Variants in ZNF521 observed in about 807,000 individuals in gnomAD.
The protein encoded by ZNF521 is LYST-interacting protein 3.
In ZNF521, 14 loss-of-function variants were observed where a neutral mutation model predicts 105.5. The ratio of observed to expected loss-of-function variants is 0.13; its 90% CI spans 0.09 to 0.21. ZNF521 has a LOEUF of 0.21. ZNF521 is among the 10% of genes least tolerant of loss of function. The pLI is 1.00. For synonymous variants in ZNF521, 635 were observed against 606.0 expected, an observed-to-expected ratio of 1.05 and a Z score of -0.70; for missense variants, 1,233 against 1,629.7, an observed-to-expected ratio of 0.76 and a Z score of 4.19.
chr18:25,291,724 C>A (rs148748581), intron 3 of ZNF521, among the ~76,000 whole-genome samples: 1 of 152,088 alleles, frequency 6.6e-6, no homozygotes, highest in African/African-American at 2.4e-5. Flanking sequence ...GCCAAGCCCT[C>A]GGCATACTAT....
At chr18:25,271,859 A>T (rs542064430) in intron 3 of ZNF521, among the ~76,000 whole-genome samples, 2 of 152,216 alleles carry the variant, frequency 1.3e-5, no homozygotes, top group African/African-American at 4.8e-5. Context: ...ATGGGCAAAG[A>T]CTTCATGACT....
chr18:25,346,328 T>C (rs1239939705), intron 2 of ZNF521, among the ~76,000 whole-genome samples: 2 of 152,122 alleles, frequency 1.3e-5, no homozygotes, highest in African/African-American at 4.8e-5. Flanking sequence ...AGTATATATA[T>C]TTTGACTTTG....
intron 5 of ZNF521, among the ~76,000 whole-genome samples, chr18:25,160,230 G>C (rs1419940091): frequency 6.6e-6 from 1 of 152,096 alleles, no homozygotes; most frequent in African/African-American, 2.4e-5. Flanking sequence ...AATGAAATCG[G>C]GTAAACTTTT....
At chr18:25,230,789 C>T (rs1054250017) in intron 3 of ZNF521, among the ~76,000 whole-genome samples, 1 of 152,036 alleles carries the variant, frequency 6.6e-6, no homozygotes, top group African/African-American at 2.4e-5. Context: ...GCTGACTCTC[C>T]GAGAGCTGTA....
intron 5 of ZNF521, among the ~76,000 whole-genome samples, chr18:25,095,290 C>T (rs1002515217): frequency 9.9e-5 from 15 of 152,278 alleles, no homozygotes; most frequent in Non-Finnish European, 1.8e-4. Context: ...TCCTCCTCCT[C>T]TTCCTAAAGG....
At chr18:25,186,922 GAAAA>G (rs964182540) in intron 5 of ZNF521, among the ~76,000 whole-genome samples, 3 of 136,002 alleles carry the variant, frequency 2.2e-5, no homozygotes, top group Admixed American at 2.2e-4. Flanking sequence ...AAAAAAAAAA[GAAAA>G]AGAAAGAAAA....
At chr18:25,115,386 G>GAAT (rs2034282081) in intron 5 of ZNF521, among the ~76,000 whole-genome samples, 1 of 152,042 alleles carries the variant, frequency 6.6e-6, no homozygotes, top group Non-Finnish European at 1.5e-5. Flanking sequence ...AGTCCCCATT[G>GAAT]GGGGCTATTA....
At chr18:25,307,276 T>C (rs1568069083) in intron 3 of ZNF521, among the ~76,000 whole-genome samples, 1 of 152,218 alleles carries the variant, frequency 6.6e-6, no homozygotes, top group Non-Finnish European at 1.5e-5. Context: ...GAATATGTGT[T>C]CACTCCCCTG....
chr18:25,325,011 C>G (rs936876307), intron 2 of ZNF521, among the ~76,000 whole-genome samples: 13 of 152,204 alleles, frequency 8.5e-5, no homozygotes, highest in African/African-American at 2.9e-4. Flanking sequence ...TTATTCACTT[C>G]TGCTGCAACT....
intron 3 of ZNF521, among the ~76,000 whole-genome samples, chr18:25,229,229 A>G (rs1187704533): frequency 6.6e-6 from 1 of 152,216 alleles, no homozygotes; most frequent in Non-Finnish European, 1.5e-5. Context: ...TATCCACAGG[A>G]AACAGATGAG....
chr18:25,261,496 A>G (rs1230883804), intron 3 of ZNF521, among the ~76,000 whole-genome samples: 1 of 152,132 alleles, frequency 6.6e-6, no homozygotes, highest in Non-Finnish European at 1.5e-5. Context: ...CAATTTCTCT[A>G]TCACAACATA....
intron 3 of ZNF521, among the ~76,000 whole-genome samples, chr18:25,232,545 G>A (rs1320496760): frequency 6.6e-6 from 1 of 152,128 alleles, no homozygotes; most frequent in Non-Finnish European, 1.5e-5. Flanking sequence ...AGTTGTATAC[G>A]CAGCTAGCAA....
intron 3 of ZNF521, among the ~76,000 whole-genome samples, chr18:25,253,017 A>G (rs746237710): frequency 2.6e-5 from 4 of 152,142 alleles, no homozygotes; most frequent in Non-Finnish European, 5.9e-5. Context: ...CTACCATTCA[A>G]CTGAGAATAC....
chr18:25,086,306 A>G (rs2033621473), intron 7 of ZNF521, among the ~76,000 whole-genome samples: 1 of 152,180 alleles, frequency 6.6e-6, no homozygotes, highest in African/African-American at 2.4e-5. Flanking sequence ...TACAGCAAAT[A>G]AAATAAATCA....
At chr18:25,350,550 T>A (rs1256604391) in intron 2 of ZNF521, among the ~76,000 whole-genome samples, 1 of 152,142 alleles carries the variant, frequency 6.6e-6, no homozygotes, top group Non-Finnish European at 1.5e-5. Flanking sequence ...CAACAGAAAC[T>A]TTTTCCTCCA....
intron 3 of ZNF521, among the ~76,000 whole-genome samples, chr18:25,316,318 G>A (rs917247533): frequency 9.6e-5 from 9 of 93,586 alleles, no homozygotes; most frequent in Admixed American, 2.2e-4. Flanking sequence ...AAGGTAAAAC[G>A]AATTTAAAAA....
intron 5 of ZNF521, among the ~76,000 whole-genome samples, 189 bp downstream of exon 5, chr18:25,194,971 T>C (rs1166129308): frequency 6.6e-6 from 1 of 151,668 alleles, no homozygotes; most frequent in Non-Finnish European, 1.5e-5. Context: ...AAGTCTAAAC[T>C]AGCCCTTGCA....
chr18:25,187,413 G>T (rs2035745244), intron 5 of ZNF521, among the ~76,000 whole-genome samples: 1 of 151,178 alleles, frequency 6.6e-6, no homozygotes, highest in African/African-American at 2.4e-5. Flanking sequence ...GAAAACGCTT[G>T]TTACCTCAGA....
At chr18:25,107,094 C>A (rs892078865) in intron 5 of ZNF521, among the ~76,000 whole-genome samples, 4 of 152,170 alleles carry the variant, frequency 2.6e-5, no homozygotes, top group Non-Finnish European at 4.4e-5. Context: ...GATGCCCAAC[C>A]CTGCCACTAA....
Sources: allele counts gnomAD v4.1 joint callset (sites outside exome capture counted in the v4.1 genomes callset), GRCh38; gene constraint gnomAD v4.1.1; transcripts MANE v1.5; gene names NCBI Gene and HGNC (gene_info 2026-07-23, HGNC 2026-07-21).